The following HOXC6 variants were observed in gnomAD, a reference collection of about 807,000 sequenced individuals.
The protein encoded by HOXC6 is homeobox protein Hox-C6.
HOXC6 carries 10 observed loss-of-function variants against 24.0 expected under a neutral mutation model. The ratio of observed to expected loss-of-function variants is 0.42; its 90% CI spans 0.26 to 0.71. The LOEUF (loss-of-function observed/expected upper bound fraction) is 0.71. HOXC6 is among the 30% of genes least tolerant of loss of function. The pLI is 0.28. For missense variants in HOXC6, 258 were observed against 303.4 expected, an observed-to-expected ratio of 0.85 and a Z score of 1.11; for synonymous variants, 123 against 128.1, an observed-to-expected ratio of 0.96 and a Z score of 0.27.
intron 1 of HOXC6, among the ~76,000 whole-genome samples, chr12:54,023,360 A>G (rs1249281058): frequency 6.6e-6 from 1 of 152,248 alleles, no homozygotes; most frequent in Admixed American, 6.5e-5. Flanking sequence ...TGCTGATGGT[A>G]GCAGCAATAA....
chr12:54,019,046 T>C (rs1592219509), intron 1 of HOXC6, among the ~76,000 whole-genome samples: 1 of 152,068 alleles, frequency 6.6e-6, no homozygotes. Context: ...CGGTGAATTT[T>C]ATCTCCCCTC....
chr12:54,023,249 C>T (rs1056086020), intron 1 of HOXC6, among the ~76,000 whole-genome samples: 9 of 152,144 alleles, frequency 5.9e-5, no homozygotes, highest in Admixed American at 2.0e-4. Context: ...CAGGGCTGAG[C>T]GTGATGGGGT....
chr12:54,029,120 C>G (rs959018834), intron 1 of HOXC6, among the ~76,000 whole-genome samples, 199 bp downstream of exon 1: 1 of 151,950 alleles, frequency 6.6e-6, no homozygotes. Flanking sequence ...CCCCTTGGCC[C>G]CTGACGGATT....
Position 54,030,649 on chromosome 12 carries a change from G to GAA in HOXC6, c.*694_*695dup, listed in dbSNP as rs900853084. 1 of 151,996 alleles carries GAA rather than the reference G, an allele frequency of 6.6e-6. No individual in the cohort carries two copies. The highest frequency in any genetic ancestry group is 6.6e-5 in the Admixed American group (1 of 15,236). 9.4% of individuals were successfully genotyped at this position (151,996 alleles called of 1,614,324 possible). On this transcript the variant is annotated 3_prime_UTR_variant, in exon 2 of 2. Transcript: ENST00000243108. ...GTGTTCCTATCCAATTTCAAAAAAGGAAAAAAAAGAGGGAAAATTACAAAA... is the reference window on the plus strand; with the variant it reads ...GTGTTCCTATCCAATTTCAAAAAAGGAAAAAAAAAAGAGGGAAAATTACAAAA...
intron 1 of HOXC6, 97 bp downstream of exon 1, chr12:54,029,018 C>T (rs903052134): frequency 3.4e-5 from 42 of 1,218,086 alleles, no homozygotes; most frequent in Non-Finnish European, 4.4e-5. Context: ...TTTTATGGCC[C>T]CATAAAAACA....
exon 1 of HOXC6, chr12:54,016,955 T>C (rs979220150): frequency 3.9e-5 from 6 of 152,072 alleles, no homozygotes; most frequent in African/African-American, 1.4e-4. Context: ...CTCCCTTCAT[T>C]AGCAGTATTT....
At chr12:54,028,393 G>T, upstream of HOXC6, 6 of 1,038,198 alleles carry the variant, frequency 5.8e-6, no homozygotes, top group Non-Finnish European at 6.9e-6. Context: ...CTGGGAGGGG[G>T]TCAGCTGACT....
At chr12:54,027,692 C>G (rs10876528), upstream of HOXC6, among the ~76,000 whole-genome samples, 1 of 151,804 alleles carries the variant, frequency 6.6e-6, no homozygotes, top group African/African-American at 2.4e-5. Flanking sequence ...GTTTTCCCAA[C>G]AGAGGGGTCC....
chr12:54,029,520 A>T, intron 1 of HOXC6, 135 bp from the exon 2 acceptor site: 1 of 847,804 alleles, frequency 1.2e-6, no homozygotes, highest in Non-Finnish European at 1.8e-6. Context: ...GCAAGGCAAA[A>T]GGGAGAAGGC....
upstream of HOXC6, chr12:54,028,426 T>A (rs1940827224): frequency 1.4e-5 from 19 of 1,357,714 alleles, no homozygotes; most frequent in South Asian, 2.7e-4. Flanking sequence ...CTGTCCTGGA[T>A]TGGAGCCGTC....
In HOXC6 at chr12:54,028,852, A is replaced by C; in HGVS notation, c.331A>C (p.Thr111Pro). Reference sequence around the variant, plus strand: ...GGATTTTAGTTCTGAGCAGGGCAGGACTGCGCCCCAGGACCAGAAAGCCAG... The same window carrying C: ...GGATTTTAGTTCTGAGCAGGGCAGGCCTGCGCCCCAGGACCAGAAAGCCAG... ...AQDFSSEQGR[T>P]APQDQKASIQ... Residue 111 changes from threonine to proline, a missense_variant, in exon 1 of 2, where the codon ACT (threonine) becomes CCT (proline). Transcript: ENST00000243108. 6.2e-7 allele frequency: 1 copy of C among 1,614,102 alleles called. No homozygotes were observed. The highest frequency in any genetic ancestry group is 8.5e-7 in the Non-Finnish European group (1 of 1,180,026).
chr12:54,026,967 G>T (rs556383457), upstream of HOXC6, among the ~76,000 whole-genome samples: 81 of 95,638 alleles, frequency 8.5e-4, no homozygotes, highest in Middle Eastern at 0.021. Flanking sequence ...AAAATGGTGG[G>T]GGGGGGGGGA....
chr12:54,026,519 G>C (rs1940705172), upstream of HOXC6, among the ~76,000 whole-genome samples: 1 of 152,150 alleles, frequency 6.6e-6, no homozygotes, highest in Non-Finnish European at 1.5e-5. Context: ...TTTCCTTGGG[G>C]AGAAGAAAGT....
chr12:54,028,680 C>A lies in HOXC6; in HGVS notation c.159C>A (p.Pro53=). 6.2e-7 allele frequency: 1 copy of A among 1,614,144 alleles called. No homozygotes were observed. Among genetic ancestry groups the A allele is most frequent in the Non-Finnish European group, 8.5e-7 (1 of 1,180,018 alleles). Residue 53 remains proline (P), a synonymous_variant, in exon 1 of 2, where the codon CCC becomes CCA. Coordinates refer to ENST00000243108, the MANE Select transcript of HOXC6 (RefSeq NM_004503.4). ...AVAQNRIYST[P]FYSPQENVVF... is the part of the protein sequence containing the mutation. ...CCCAGAACCGGATCTACTCGACTCCCTTTTATTCGCCACAGGAGAATGTCG... is the reference window on the plus strand; with the variant it reads ...CCCAGAACCGGATCTACTCGACTCCATTTTATTCGCCACAGGAGAATGTCG...
chr12:54,025,132 G>C (rs979397259), upstream of HOXC6, among the ~76,000 whole-genome samples: 1 of 152,024 alleles, frequency 6.6e-6, no homozygotes, highest in Admixed American at 6.6e-5. Flanking sequence ...ATTTCTTTAG[G>C]CTCGTTTTAT....
intron 1 of HOXC6, among the ~76,000 whole-genome samples, chr12:54,017,716 T>A (rs1940219216): frequency 6.6e-6 from 1 of 152,188 alleles, no homozygotes; most frequent in Non-Finnish European, 1.5e-5. Context: ...AGCTCTCTGC[T>A]GCCCACTGTG....
At position 54,029,573 on chromosome 12, in the gene HOXC6, G is replaced by T. The variant is rs932549537; in HGVS notation, c.401-82G>T. 25 of 1,448,968 alleles carry T rather than the reference G, an allele frequency of 1.7e-5. No homozygotes were observed. In the South Asian group the frequency reaches 3.1e-4, roughly 18 times the overall value. The allele number at this position is 1,448,968 out of a possible 1,614,324, so 89.8% of individuals were successfully genotyped here. ...TGTGAGCTGCTGGCCAGGTTGGGAG[G>T]GTCAGGACTTTGCTAGGCGAAACAG... On this transcript the variant is annotated intron_variant, in intron 1 of 1. Transcript: ENST00000243108.
In HOXC6 at chr12:54,030,632, A is replaced by G. The variant is rs1238546340; in HGVS notation, c.*670A>G. ...TATGTTTAGCACCGTCAGTGTTCCT[A>G]TCCAATTTCAAAAAAGGAAAAAAAA... On this transcript the variant is annotated 3_prime_UTR_variant, in exon 2 of 2. Coordinates refer to ENST00000243108, the MANE Select transcript of HOXC6 (RefSeq NM_004503.4). The G allele has an allele frequency of 6.6e-6, 1 of 152,602 alleles. No individual in the cohort carries two copies. The highest frequency in any genetic ancestry group is 1.9e-4 in the East Asian group (1 of 5,196). 9.5% of individuals were successfully genotyped at this position (152,602 alleles called of 1,614,324 possible). A position where few individuals can be genotyped will look rare whatever the true frequency, so the allele number is the denominator to read the frequency against.
Position 54,028,786 on chromosome 12 carries a change from C to G in HOXC6, c.265C>G (p.Gln89Glu). ...GAAAGACATGCTCTCAAACTGCAGA[C>G]AAAACACCTTAGGACATAACACACA... is the stretch of plus-strand genomic sequence containing the variant. ...QEKDMLSNCR[Q>E]NTLGHNTQTS... The change falls in exon 1 of 2, where the codon CAA becomes GAA. Residue 89 changes from glutamine (Q) to glutamate (E), a missense_variant. By Grantham distance (29) the Gln-to-Glu change is conservative. Transcript: ENST00000243108. The G allele has an allele frequency of 1.2e-6, 2 of 1,614,178 alleles. No homozygotes were observed. Among genetic ancestry groups the G allele is most frequent in the Non-Finnish European group, 1.7e-6 (2 of 1,180,040 alleles).
Sources: gnomAD v4.1 joint callset for allele counts (sites outside exome capture counted in the v4.1 genomes callset) on GRCh38, gnomAD v4.1.1 for gene constraint, MANE v1.5 for transcripts, NCBI Gene and HGNC (gene_info 2026-07-23, HGNC 2026-07-21) for gene names.